The following SYT9 variants were observed in gnomAD, a reference collection of about 807,000 sequenced individuals.
SYT9 encodes synaptotagmin-9.
Under a neutral mutation model 48.4 loss-of-function variants are expected in SYT9, and 22 were observed. The observed-to-expected ratio is 0.45, with a 90% confidence interval of 0.32 to 0.65. The LOEUF is 0.65. Ranked by LOEUF, SYT9 falls within the 30% of genes least tolerant of loss-of-function variation. SYT9 has a pLI of 0.03. For synonymous variants in SYT9, 265 were observed against 245.0 expected (o/e 1.08, Z -0.76); for missense variants, 577 against 622.0 (o/e 0.93, Z 0.77).
At chr11:7,375,532 T>G (rs952575158) in intron 3 of SYT9, among the ~76,000 whole-genome samples, 2 of 152,220 alleles carry the variant, frequency 1.3e-5, no homozygotes, top group Non-Finnish European at 2.9e-5. Flanking sequence ...ATGATATTGA[T>G]TCTTCATATC....
intron 1 of SYT9, among the ~76,000 whole-genome samples, chr11:7,244,176 T>C (rs745989936): frequency 1.3e-5 from 2 of 152,182 alleles, no homozygotes. Context: ...GTGTATCTTT[T>C]TAAATTCTAA....
intron 3 of SYT9, among the ~76,000 whole-genome samples, chr11:7,356,498 G>A (rs953040901): frequency 5.9e-5 from 9 of 152,096 alleles, no homozygotes; most frequent in African/African-American, 9.7e-5. Context: ...CCTGCAGTGC[G>A]AGCCCTCCAG....
chr11:7,253,955 A>T (rs1168975011), intron 1 of SYT9, among the ~76,000 whole-genome samples: 1 of 152,192 alleles, frequency 6.6e-6, no homozygotes, highest in Non-Finnish European at 1.5e-5. Flanking sequence ...TTGTTATCCC[A>T]CATAAGCAGT....
At chr11:7,461,367 T>G (rs1848232746) in intron 6 of SYT9, 1 of 152,086 alleles carries the variant, frequency 6.6e-6, no homozygotes. Context: ...TTATTTATCT[T>G]TGTGTTTTGT....
chr11:7,293,739 G>A (rs1168155496), intron 1 of SYT9, among the ~76,000 whole-genome samples: 1 of 152,096 alleles, frequency 6.6e-6, no homozygotes, highest in Admixed American at 6.5e-5. Context: ...TGGCAAAGCT[G>A]GTCTTAGGTC....
At chr11:7,443,477 T>C (rs10839782) in intron 6 of SYT9, among the ~76,000 whole-genome samples, 21,464 of 152,124 alleles carry the variant, frequency 0.14, 2,466 homozygotes, top group African/African-American at 0.32. Flanking sequence ...CCCGTGCACA[T>C]GGTAGGCACC....
intron 1 of SYT9, among the ~76,000 whole-genome samples, chr11:7,270,832 G>GACACACACACACACACACACACAC (rs56891844): frequency 6.8e-6 from 1 of 147,176 alleles, no homozygotes; most frequent in Non-Finnish European, 1.5e-5. Context: ...ACAAGACACA[G>GACACACACACACACACACACACAC]ACACACACAC....
At chr11:7,322,462 C>T (rs536642937) in intron 3 of SYT9, among the ~76,000 whole-genome samples, 1 of 152,232 alleles carries the variant, frequency 6.6e-6, no homozygotes, top group African/African-American at 2.4e-5. Flanking sequence ...TTATGAGAGT[C>T]CACTGAATCT....
chr11:7,322,231 A>C (rs938907861), intron 3 of SYT9, among the ~76,000 whole-genome samples: 1 of 151,978 alleles, frequency 6.6e-6, no homozygotes, highest in African/African-American at 2.4e-5. Flanking sequence ...CCCACAATTG[A>C]CTCCCCAGGC....
At chr11:7,296,179 A>G (rs972432701) in intron 1 of SYT9, among the ~76,000 whole-genome samples, 3 of 152,226 alleles carry the variant, frequency 2.0e-5, no homozygotes, top group Admixed American at 1.3e-4. Flanking sequence ...AGAGATAGGT[A>G]CTATTATTAT....
intron 3 of SYT9, among the ~76,000 whole-genome samples, chr11:7,319,865 G>T (rs1030723605): frequency 6.6e-6 from 1 of 152,066 alleles, no homozygotes; most frequent in African/African-American, 2.4e-5. Context: ...TTACCTCTGT[G>T]GATTAATGCT....
chr11:7,263,649 A>C (rs943353749), intron 1 of SYT9, among the ~76,000 whole-genome samples: 1 of 152,176 alleles, frequency 6.6e-6, no homozygotes. Context: ...CCTAGGTGGA[A>C]GGAAGGATCC....
chr11:7,351,406 A>G (rs1372365398), intron 3 of SYT9, among the ~76,000 whole-genome samples: 1 of 152,192 alleles, frequency 6.6e-6, no homozygotes, highest in Non-Finnish European at 1.5e-5. Context: ...CACCTAATGT[A>G]GGATGCAGTG....
intron 1 of SYT9, among the ~76,000 whole-genome samples, chr11:7,298,776 C>T (rs1848859886): frequency 1.3e-5 from 2 of 152,068 alleles, no homozygotes; most frequent in Admixed American, 6.6e-5. Context: ...TGCTACAATG[C>T]ATCACGTCTT....
chr11:7,392,911 G>A (rs902022227), intron 3 of SYT9, among the ~76,000 whole-genome samples: 5 of 151,990 alleles, frequency 3.3e-5, no homozygotes, highest in African/African-American at 1.2e-4. Flanking sequence ...GAACATTATT[G>A]TTGTACAGAA....
rs1055400996 is a variant in SYT9, at chr11:7,291,879, G to A, written c.146-11160G>A. Among the ~76,000 whole-genome samples, 4 of 152,260 alleles carry A rather than the reference G, an allele frequency of 2.6e-5. No individual in the cohort carries two copies. In the East Asian group the frequency reaches 7.7e-4, roughly 29 times the overall value. On this transcript the variant is annotated intron_variant, in intron 1 of 6. Transcript: ENST00000318881. ...AGGTGTCCAGCTATACCTGAGGAAG[G>A]CCAGGAAGGGAAGTGTGCCTAATCC...
At chr11:7,413,391 A>G (rs1367353351) in intron 3 of SYT9, among the ~76,000 whole-genome samples, 2 of 152,166 alleles carry the variant, frequency 1.3e-5, no homozygotes, top group Non-Finnish European at 2.9e-5. Context: ...CCTGTGGGTC[A>G]CAGCATGAGC....
intron 1 of SYT9, among the ~76,000 whole-genome samples, chr11:7,255,696 A>G (rs889595653): frequency 1.3e-5 from 2 of 152,212 alleles, no homozygotes; most frequent in Non-Finnish European, 1.5e-5. Context: ...GACCTAAAAA[A>G]TTCCATGTAC....
At chr11:7,308,008 G>T (rs190807363) in intron 2 of SYT9, among the ~76,000 whole-genome samples, 218 of 152,308 alleles carry the variant, frequency 1.4e-3, no homozygotes, top group Admixed American at 2.5e-3. Context: ...TGAATCTTCA[G>T]CCCAAGAAAG....
Sources: gnomAD v4.1 joint callset for allele counts (sites outside exome capture counted in the v4.1 genomes callset) on GRCh38, gnomAD v4.1.1 for gene constraint, MANE v1.5 for transcripts, NCBI Gene and HGNC (gene_info 2026-07-23, HGNC 2026-07-21) for gene names.